CRTC1: variants seen among roughly 807,000 people sequenced by gnomAD.
CRTC1 encodes CREB regulated transcription coactivator 1, also known as CREB-regulated transcription coactivator 1.
CRTC1 carries 18 observed loss-of-function variants against 66.1 expected under a neutral mutation model. That is an observed-to-expected ratio of 0.27 (90% CI 0.19 to 0.40). The LOEUF (loss-of-function observed/expected upper bound fraction) is 0.40. CRTC1 is among the 10% of genes least tolerant of loss of function. The pLI is 1.00. For missense variants in CRTC1, 669 were observed against 887.9 expected, an observed-to-expected ratio of 0.75 and a Z score of 3.13; for synonymous variants, 416 against 398.8, an observed-to-expected ratio of 1.04 and a Z score of -0.51.
rs1172727391 is a variant in CRTC1, at chr19:18,777,877, AG to A, written c.*496del. 3.7e-6 allele frequency: 1 copy of A among 267,764 alleles called. No individual in the cohort carries two copies. Among genetic ancestry groups the A allele is most frequent in the Non-Finnish European group, 7.1e-6 (1 of 141,650 alleles). 16.6% of individuals were successfully genotyped at this position (267,764 alleles called of 1,614,324 possible). ...CCAGCCCGTGGTCAGGTAGAGAGTG[AG>A]CCCCACGCCGCCCCAGGGAGGAGGC... is the stretch of plus-strand genomic sequence containing the variant. On this transcript the variant is annotated 3_prime_UTR_variant, in exon 14 of 14. Coordinates refer to ENST00000321949, the MANE Select transcript of CRTC1 (RefSeq NM_015321.3). The surrounding 1 kb of genome is among the most constrained non-coding windows in gnomAD (Gnocchi z 5.5).
intron 3 of CRTC1, 131 bp from the exon 4 acceptor site, chr19:18,746,922 T>A (rs574284709): frequency 1.5e-5 from 11 of 750,120 alleles, no homozygotes; most frequent in Admixed American, 6.4e-5. Flanking sequence ...CCCCCCGCCC[T>A]ACTGGTCCCA....
intron 1 of CRTC1, among the ~76,000 whole-genome samples, chr19:18,716,773 G>T (rs2053517783): frequency 2.0e-5 from 3 of 152,336 alleles, no homozygotes; most frequent in Admixed American, 2.0e-4. Context: ...TGAGACCCCA[G>T]TAGGAGGCTT....
In CRTC1 at chr19:18,777,586, C is replaced by T. The variant is rs1039802278; in HGVS notation, c.*204C>T. On this transcript the variant is annotated 3_prime_UTR_variant, in exon 14 of 14. Transcript: ENST00000321949. This position sits in a 1 kb window ranked among gnomAD's most constrained non-coding sequence, Gnocchi z 5.5. ...CCGCGAGCCGGGCCGTCCACCCACC[C>T]GCCCGCCCAGGGCTGGGCTGGGATC... 6 of 557,176 alleles carry T rather than the reference C, an allele frequency of 1.1e-5. No homozygotes were observed. The highest frequency in any genetic ancestry group is 9.7e-5 in the East Asian group (3 of 30,836). The allele number at this position is 557,176 out of a possible 1,614,324, so 34.5% of individuals were successfully genotyped here.
rs188639559 is a variant in CRTC1 at position 18,780,870 on chromosome 19, G to T, written c.*3488G>T. On this transcript the variant is annotated 3_prime_UTR_variant, in exon 14 of 14. Coordinates refer to ENST00000321949, the MANE Select transcript of CRTC1 (RefSeq NM_015321.3). Reference sequence around the variant, plus strand: ...GCCTTGGCAGGACCCGTCCCTAGAGGGGGCTCTGGTGCCTCCCTTAGGTGG... The same window carrying T: ...GCCTTGGCAGGACCCGTCCCTAGAGTGGGCTCTGGTGCCTCCCTTAGGTGG... 1.2e-3 allele frequency: 268 copies of T among 222,648 alleles called. No homozygotes were observed. The highest frequency in any genetic ancestry group is 5.7e-3 in the African/African-American group (256 of 44,796). 13.8% of individuals were successfully genotyped at this position (222,648 alleles called of 1,614,324 possible).
At chr19:18,759,459 G>A (rs1568530405) in intron 6 of CRTC1, 92 bp from the exon 7 acceptor site, 2 of 1,327,646 alleles carry the variant, frequency 1.5e-6, no homozygotes, top group East Asian at 5.0e-5. Flanking sequence ...GGCTTTGTGG[G>A]AAGATCAGCC....
At chr19:18,753,342 T>G (rs990874315) in intron 5 of CRTC1, among the ~76,000 whole-genome samples, 158 bp from the exon 6 acceptor site, 1 of 152,138 alleles carries the variant, frequency 6.6e-6, no homozygotes, top group Non-Finnish European at 1.5e-5. Context: ...AGCCCTTTTT[T>G]GTGGTTTTAG....
chr19:18,703,224 G>A (rs372487406), intron 1 of CRTC1, among the ~76,000 whole-genome samples: 17 of 151,976 alleles, frequency 1.1e-4, no homozygotes, highest in South Asian at 4.2e-4. Context: ...GGATAGAGAC[G>A]GGGTTTCACT....
At chr19:18,728,696 A>T (rs2053814890) in intron 1 of CRTC1, among the ~76,000 whole-genome samples, 1 of 150,722 alleles carries the variant, frequency 6.6e-6, no homozygotes, top group East Asian at 2.0e-4. Context: ...GTAGAGACGG[A>T]GTTTCATCAT....
At chr19:18,703,383 C>T (rs548673042) in intron 1 of CRTC1, among the ~76,000 whole-genome samples, 7 of 152,256 alleles carry the variant, frequency 4.6e-5, no homozygotes, top group South Asian at 2.1e-4. Context: ...TGGATTTCCC[C>T]GGATTGCTCC....
At chr19:18,722,267 A>T (rs2053645912) in intron 1 of CRTC1, among the ~76,000 whole-genome samples, 1 of 152,186 alleles carries the variant, frequency 6.6e-6, no homozygotes, top group South Asian at 2.1e-4. Context: ...TGGGGTGTGG[A>T]CGCAGGCCAC....
rs541121977 is a variant in CRTC1 at position 18,760,977 on chromosome 19, C to T, written c.886+749C>T. Among the ~76,000 whole-genome samples the T allele has an allele frequency of 2.6e-5, 4 of 152,160 alleles. No homozygotes were observed. Among genetic ancestry groups the T allele is most frequent in the South Asian group, 4.2e-4 (2 of 4,808 alleles). On this transcript the variant is annotated intron_variant, in intron 8 of 13. Coordinates refer to ENST00000321949, the MANE Select transcript of CRTC1 (RefSeq NM_015321.3). This position sits in a 1 kb window ranked among gnomAD's most constrained non-coding sequence, Gnocchi z 6.2. ...CCATGGCTTCCTCCACTTGGGACCT[C>T]GCACGGCCCCCAGCTCCCTCTCAGT...
intron 6 of CRTC1, 148 bp downstream of exon 6, chr19:18,753,733 A>C (rs1451565581): frequency 1.6e-6 from 1 of 616,102 alleles, no homozygotes; most frequent in African/African-American, 1.9e-5. Flanking sequence ...TCAAATTCAG[A>C]GAATCTGTTA....
At position 18,777,413 on chromosome 19, in the gene CRTC1, G is replaced by A. The variant is rs374312155; in HGVS notation, c.*31G>A. On this transcript the variant is annotated 3_prime_UTR_variant, in exon 14 of 14. Coordinates refer to ENST00000321949, the MANE Select transcript of CRTC1 (RefSeq NM_015321.3). The surrounding 1 kb of genome is among the most constrained non-coding windows in gnomAD (Gnocchi z 5.5). ...CACGCCGGCACCCTGCCGCTCAGCC[G>A]TCCCGACGGCGCCTCCCCAGCCCGG... is the stretch of plus-strand genomic sequence containing the variant. 1.1e-5 allele frequency: 17 copies of A among 1,587,074 alleles called. No individual in the cohort carries two copies. The highest frequency in any genetic ancestry group is 3.3e-5 in the Admixed American group (2 of 59,890).
chr19:18,694,102 C>T (rs978882587), intron 1 of CRTC1, among the ~76,000 whole-genome samples: 13 of 149,970 alleles, frequency 8.7e-5, no homozygotes, highest in South Asian at 2.1e-4. Context: ...ACTGCACTCC[C>T]CAGCCTGGGT....
intron 13 of CRTC1, among the ~76,000 whole-genome samples, chr19:18,776,580 G>T (rs1232785705): frequency 6.6e-6 from 1 of 152,208 alleles, no homozygotes. Flanking sequence ...CAGTTGACGA[G>T]AAATTCAAGG....
At position 18,768,687 on chromosome 19, in the gene CRTC1, C is replaced by A; in HGVS notation, c.1214C>A (p.Thr405Asn). ...CCCCTGTTGCCCAGCGCCAGCCTGA[C>A]TCGTGGGCCACAGCCGCCCCCGCTT... The part of the protein sequence containing the change: ...GGPLLPSASL[T>N]RGPQPPPLAV... Residue 405 changes from threonine to asparagine, a missense_variant, in exon 10 of 14, where the codon ACT (threonine) becomes AAT (asparagine). Thr to Asn is a moderately conservative substitution (Grantham distance 65, BLOSUM62 0). Around this residue, in one of 8 missense-constraint regions of CRTC1, gnomAD observed 241 missense variants for 242.2 expected, o/e 0.99. Transcript: ENST00000321949. The surrounding 1 kb of genome is among the most constrained non-coding windows in gnomAD (Gnocchi z 5.6). 2 of 1,577,444 alleles carry A rather than the reference C, an allele frequency of 1.3e-6. No individual in the cohort carries two copies. Among genetic ancestry groups the A allele is most frequent in the Non-Finnish European group, 1.7e-6 (2 of 1,163,000 alleles).
At chr19:18,724,200 G>A (rs1414278001) in intron 1 of CRTC1, among the ~76,000 whole-genome samples, 1 of 152,134 alleles carries the variant, frequency 6.6e-6, no homozygotes, top group Non-Finnish European at 1.5e-5. Flanking sequence ...GAGGCCCCAG[G>A]AGGGAGCAGT....
intron 1 of CRTC1, among the ~76,000 whole-genome samples, chr19:18,693,567 C>T (rs1486825016): frequency 2.7e-5 from 4 of 150,758 alleles, no homozygotes; most frequent in Admixed American, 6.6e-5. Flanking sequence ...CTGCAAGCTC[C>T]GCCTCCTGGG....
intron 1 of CRTC1, among the ~76,000 whole-genome samples, chr19:18,737,658 G>A (rs941486289): frequency 6.6e-6 from 1 of 151,934 alleles, no homozygotes; most frequent in Admixed American, 6.6e-5. Flanking sequence ...TTTGAGCCAC[G>A]CATGTCTACT....
Sources: gnomAD v4.1 joint callset for allele counts (sites outside exome capture counted in the v4.1 genomes callset) on GRCh38, gnomAD v4.1.1 for gene constraint, gnomAD v4.1.1 regional missense constraint, Gnocchi (gnomAD v3.1) non-coding constraint, MANE v1.5 for transcripts, NCBI Gene and HGNC (gene_info 2026-07-23, HGNC 2026-07-21) for gene names.